Variants in THSD7B observed in about 807,000 individuals in gnomAD.
The protein encoded by THSD7B is thrombospondin type-1 domain-containing protein 7B.
THSD7B carries 138 observed loss-of-function variants against 213.6 expected under a neutral mutation model. That is an observed-to-expected ratio of 0.65 (90% CI 0.56 to 0.74). THSD7B has a LOEUF of 0.74. Ranked by LOEUF, THSD7B falls within the 30% of genes least tolerant of loss-of-function variation. The probability of loss-of-function intolerance (pLI) is 0.00; values close to 1 mark genes in which losing one functional copy is unlikely to be tolerated. For synonymous variants in THSD7B, 742 were observed against 687.0 expected, an observed-to-expected ratio of 1.08 and a Z score of -1.25; for missense variants, 1,931 against 1,991.5, an observed-to-expected ratio of 0.97 and a Z score of 0.58.
intron 2 of THSD7B, among the ~76,000 whole-genome samples, chr2:137,045,455 A>G (rs920684683): frequency 5.9e-5 from 9 of 152,216 alleles, no homozygotes; most frequent in African/African-American, 2.2e-4. Flanking sequence ...CCAGGCAGAA[A>G]CATAAGCAGG....
intron 12 of THSD7B, among the ~76,000 whole-genome samples, chr2:137,315,489 C>T (rs986789525): frequency 6.6e-6 from 1 of 152,132 alleles, no homozygotes; most frequent in African/African-American, 2.4e-5. Context: ...ATGCTGGGAG[C>T]TGTAGACCGG....
chr2:136,933,134 TC>T lies in THSD7B; in HGVS notation c.139+50819del, dbSNP rs1475297639. ...TTCCTTCCTTCCTTCCTTCCTTCCT[TC>T]CTTCCTTCCTTCCTTCCTTCCTTCC... On this transcript the variant is annotated intron_variant, in intron 2 of 27. Transcript: ENST00000409968. 5.2e-5 allele frequency among the ~76,000 whole-genome samples: 3 copies of T among 57,540 alleles called. No homozygotes were observed. In the East Asian group the frequency reaches 6.8e-4, roughly 13 times the overall value. The allele number at this position is 57,540 out of a possible 152,430, so 37.7% of individuals were successfully genotyped here.
At chr2:137,628,958 C>T (rs191150480) in intron 20 of THSD7B, among the ~76,000 whole-genome samples, 77 of 152,338 alleles carry the variant, frequency 5.1e-4, no homozygotes, top group Non-Finnish European at 8.4e-4. Flanking sequence ...ATCCCCATGA[C>T]TGCCTCCTAC....
chr2:137,218,330 T>C (rs1219298565), intron 7 of THSD7B, among the ~76,000 whole-genome samples: 1 of 152,142 alleles, frequency 6.6e-6, no homozygotes, highest in Non-Finnish European at 1.5e-5. Context: ...TGATATAAAG[T>C]GATGTTTGGA....
intron 5 of THSD7B, among the ~76,000 whole-genome samples, chr2:137,129,276 C>T (rs1339949096): frequency 6.6e-6 from 1 of 152,112 alleles, no homozygotes; most frequent in Non-Finnish European, 1.5e-5. Context: ...AGACTTTTCT[C>T]TAGATTTCTT....
intron 25 of THSD7B, among the ~76,000 whole-genome samples, chr2:137,662,229 ATTTTTTTTTTTTCTT>A (rs1278281953): frequency 1.2e-4 from 12 of 101,836 alleles, no homozygotes; most frequent in East Asian, 5.7e-4. Flanking sequence ...CGCCCGGCTA[ATTTTTTTTTTTTCTT>A]TTTTTTTTTT....
At position 136,954,442 on chromosome 2, in the gene THSD7B, C is replaced by T. The variant is rs565024498; in HGVS notation, c.139+72125C>T. Among the ~76,000 whole-genome samples the T allele has an allele frequency of 6.6e-5, 10 of 152,202 alleles. No individual in the cohort carries two copies. In the East Asian group the frequency reaches 1.5e-3, roughly 24 times the overall value. On this transcript the variant is annotated intron_variant, in intron 2 of 27. Coordinates refer to ENST00000409968, the MANE Select transcript of THSD7B (RefSeq NM_001316349.2). ...TTGTTTTTAAGAAATTACGGCCGGG[C>T]GCGGTGGCTCACACCTGTAATCCCA...
chr2:137,079,818 A>G (rs1411024912), intron 3 of THSD7B, among the ~76,000 whole-genome samples: 5 of 151,916 alleles, frequency 3.3e-5, no homozygotes, highest in Non-Finnish European at 5.9e-5. Flanking sequence ...TGGTGGATAC[A>G]TTTGGCTATT....
intron 20 of THSD7B, among the ~76,000 whole-genome samples, chr2:137,628,776 A>G (rs1682684023): frequency 6.6e-6 from 1 of 152,094 alleles, no homozygotes; most frequent in Admixed American, 6.5e-5. Context: ...TCAGGATCTC[A>G]CCTGTGCTGC....
chr2:137,491,067 C>T (rs1272850785), intron 15 of THSD7B, among the ~76,000 whole-genome samples: 5 of 152,102 alleles, frequency 3.3e-5, no homozygotes, highest in African/African-American at 1.2e-4. Context: ...TATGTGACCC[C>T]GTATTTTTAG....
intron 7 of THSD7B, among the ~76,000 whole-genome samples, chr2:137,192,961 T>C (rs892274620): frequency 6.6e-6 from 1 of 152,092 alleles, no homozygotes; most frequent in Admixed American, 6.6e-5. Flanking sequence ...AAGGAAAGCT[T>C]GTGTGTGCGT....
At chr2:136,854,730 C>G (rs1371449948) in intron 1 of THSD7B, among the ~76,000 whole-genome samples, 1 of 151,450 alleles carries the variant, frequency 6.6e-6, no homozygotes, top group African/African-American at 2.4e-5. Context: ...TTTCCTCTGT[C>G]TTTACTTAGC....
chr2:137,423,580 C>T lies in THSD7B; in HGVS notation c.2959+11708C>T, dbSNP rs7606500. ...CTGAAAGACTTAAGAATCTATTTAACGAAAGAAACTTATTATACTCTGAAA... is the reference window on the plus strand; with the variant it reads ...CTGAAAGACTTAAGAATCTATTTAATGAAAGAAACTTATTATACTCTGAAA... On this transcript the variant is annotated intron_variant, in intron 14 of 27. Coordinates refer to ENST00000409968, the MANE Select transcript of THSD7B (RefSeq NM_001316349.2). Among the ~76,000 whole-genome samples, 1,461 of 151,876 alleles carry T rather than the reference C, an allele frequency of 9.6e-3. 21 individuals carry two copies. The highest frequency in any genetic ancestry group is 0.032 in the African/African-American group (1,321 of 41,432).
intron 2 of THSD7B, among the ~76,000 whole-genome samples, chr2:136,969,329 A>G (rs886343718): frequency 1.3e-5 from 2 of 152,200 alleles, no homozygotes; most frequent in Non-Finnish European, 2.9e-5. Flanking sequence ...GCACATGGCT[A>G]TGGTAAACCT....
chr2:137,061,373 C>T lies in THSD7B; in HGVS notation c.950+4143C>T, dbSNP rs577396753. 4.0e-5 allele frequency among the ~76,000 whole-genome samples: 6 copies of T among 149,330 alleles called. No homozygotes were observed. The South Asian group carries it at 1.0e-3, about 26-fold the overall frequency. Reference sequence around the variant, plus strand: ...TTTCTTTATTTTATTTTCTTGTCTTCATTAGCCAAGACTTCCAGTACAATG... The same window carrying T: ...TTTCTTTATTTTATTTTCTTGTCTTTATTAGCCAAGACTTCCAGTACAATG... On this transcript the variant is annotated intron_variant, in intron 3 of 27. Transcript: ENST00000409968.
intron 15 of THSD7B, among the ~76,000 whole-genome samples, chr2:137,543,191 T>C (rs1273347631): frequency 6.6e-6 from 1 of 151,840 alleles, no homozygotes; most frequent in South Asian, 2.1e-4. Context: ...AAGGACTCTT[T>C]TCCTTATTAC....
intron 12 of THSD7B, among the ~76,000 whole-genome samples, chr2:137,283,981 T>C (rs910583588): frequency 6.6e-6 from 1 of 152,106 alleles, no homozygotes; most frequent in Non-Finnish European, 1.5e-5. Context: ...ATGGTACCAG[T>C]TCCTCCTTGT....
At chr2:137,626,882 T>G (rs1682642026) in intron 20 of THSD7B, among the ~76,000 whole-genome samples, 1 of 152,236 alleles carries the variant, frequency 6.6e-6, no homozygotes, top group Non-Finnish European at 1.5e-5. Flanking sequence ...GTTTCTTATT[T>G]CCAACAATTC....
At chr2:136,823,979 C>A (rs1006666452) in intron 1 of THSD7B, among the ~76,000 whole-genome samples, 34 of 152,154 alleles carry the variant, frequency 2.2e-4, no homozygotes, top group Admixed American at 2.6e-4. Flanking sequence ...TATTGAGTAT[C>A]TGCTGTGGCT....
Sources: allele counts gnomAD v4.1 joint callset (sites outside exome capture counted in the v4.1 genomes callset), GRCh38; gene constraint gnomAD v4.1.1; transcripts MANE v1.5; gene names NCBI Gene and HGNC (gene_info 2026-07-23, HGNC 2026-07-21).